The following LRP1B variants were observed in gnomAD, a reference collection of about 807,000 sequenced individuals.
LRP1B encodes the protein low-density lipoprotein receptor-related protein 1B.
LRP1B carries 217 observed loss-of-function variants against 556.6 expected under a neutral mutation model. The ratio of observed to expected loss-of-function variants is 0.39; its 90% CI spans 0.35 to 0.44. The LOEUF (loss-of-function observed/expected upper bound fraction) is 0.44. LRP1B is among the 20% of genes least tolerant of loss of function. LRP1B has a pLI of 1.00. For missense variants in LRP1B, 5,053 were observed against 5,620.8 expected, an observed-to-expected ratio of 0.90 and a Z score of 3.23; for synonymous variants, 2,047 against 1,865.8, an observed-to-expected ratio of 1.10 and a Z score of -2.50.
chr2:141,961,943 T>C (rs1701414310), intron 1 of LRP1B, among the ~76,000 whole-genome samples: 1 of 151,798 alleles, frequency 6.6e-6, no homozygotes, highest in Non-Finnish European at 1.5e-5. Flanking sequence ...AAAGTGTTTT[T>C]AATATGAGGC....
intron 3 of LRP1B, among the ~76,000 whole-genome samples, chr2:141,286,349 T>G (rs1685720908): frequency 1.3e-5 from 2 of 152,284 alleles, no homozygotes; most frequent in South Asian, 4.1e-4. Context: ...ATTAAAAGAT[T>G]TGGCTTGCTA....
chr2:141,872,907 G>A (rs1389042124), intron 1 of LRP1B, among the ~76,000 whole-genome samples: 1 of 151,888 alleles, frequency 6.6e-6, no homozygotes, highest in Non-Finnish European at 1.5e-5. Flanking sequence ...TAAGTATCAA[G>A]GCTACACGAA....
intron 7 of LRP1B, among the ~76,000 whole-genome samples, chr2:141,113,072 C>T (rs1700795094): frequency 1.3e-5 from 2 of 152,114 alleles, no homozygotes; most frequent in Non-Finnish European, 2.9e-5. Context: ...GACAAACCTT[C>T]TCTCTATAAA....
chr2:140,459,990 G>A (rs1398987497), intron 60 of LRP1B, among the ~76,000 whole-genome samples: 1 of 152,086 alleles, frequency 6.6e-6, no homozygotes, highest in Non-Finnish European at 1.5e-5. Flanking sequence ...ATGGAACTGT[G>A]GGTCAATTAA....
At chr2:141,785,765 G>A (rs1695413310) in intron 2 of LRP1B, among the ~76,000 whole-genome samples, 1 of 151,306 alleles carries the variant, frequency 6.6e-6, no homozygotes, top group African/African-American at 2.4e-5. Flanking sequence ...GTCCATATAT[G>A]ATAATCAACA....
intron 66 of LRP1B, among the ~76,000 whole-genome samples, chr2:140,423,027 C>A (rs142136325): frequency 0.02 from 2,969 of 152,114 alleles, 47 homozygotes; most frequent in Non-Finnish European, 0.023. Context: ...AAAACCAAGT[C>A]GATGAATAAT....
chr2:141,554,467 TAAC>T (rs1278024170), intron 2 of LRP1B, among the ~76,000 whole-genome samples: 3 of 151,404 alleles, frequency 2.0e-5, no homozygotes, highest in Non-Finnish European at 4.4e-5. Flanking sequence ...AAGAAACTGT[TAAC>T]AATTGTTTTC....
At chr2:141,496,453 C>T (rs1683511188) in intron 2 of LRP1B, among the ~76,000 whole-genome samples, 3 of 152,040 alleles carry the variant, frequency 2.0e-5, no homozygotes, top group Non-Finnish European at 4.4e-5. Context: ...CGTTCTAATG[C>T]CTCCTAAAAG....
chr2:140,308,084 C>T (rs1684141649), intron 83 of LRP1B, among the ~76,000 whole-genome samples: 1 of 151,604 alleles, frequency 6.6e-6, no homozygotes, highest in African/African-American at 2.4e-5. Context: ...AGTAATATAT[C>T]AATCACTATT....
intron 2 of LRP1B, among the ~76,000 whole-genome samples, chr2:141,783,827 A>G (rs1394719604): frequency 6.6e-6 from 1 of 151,870 alleles, no homozygotes; most frequent in Non-Finnish European, 1.5e-5. Flanking sequence ...TAACATATCA[A>G]TTACCAATAA....
chr2:141,508,874 G>A (rs571703370), intron 2 of LRP1B, among the ~76,000 whole-genome samples: 2 of 152,006 alleles, frequency 1.3e-5, no homozygotes, highest in African/African-American at 2.4e-5. Flanking sequence ...GGAGGTTATG[G>A]AAAGATAATT....
At chr2:141,367,005 T>G (rs1689064620) in intron 3 of LRP1B, among the ~76,000 whole-genome samples, 3 of 152,236 alleles carry the variant, frequency 2.0e-5, no homozygotes, top group Admixed American at 2.0e-4. Flanking sequence ...GATGATTGGC[T>G]TTTTTGTTGT....
At chr2:141,108,046 T>C (rs1292769704) in intron 7 of LRP1B, among the ~76,000 whole-genome samples, 1 of 152,094 alleles carries the variant, frequency 6.6e-6, no homozygotes, top group African/African-American at 2.4e-5. Context: ...ATTAAAATAA[T>C]ACTAGGGGGC....
Position 141,145,342 on chromosome 2 carries a change from T to C in LRP1B, c.1013+43079A>G, listed in dbSNP as rs149761007. On this transcript the variant is annotated intron_variant, in intron 7 of 90. Transcript: ENST00000389484. ...AGTTATACTGTATATAAGTGTACAC[T>C]GTACACTTCTCTGAAAAGTTTATCA... is the stretch of plus-strand genomic sequence containing the variant. 4.3e-3 allele frequency among the ~76,000 whole-genome samples: 656 copies of C among 152,184 alleles called. 8 individuals are homozygous for C. The highest frequency in any genetic ancestry group is 0.015 in the African/African-American group (623 of 41,526).
intron 66 of LRP1B, among the ~76,000 whole-genome samples, chr2:140,402,125 G>A (rs77830238): frequency 3.9e-5 from 6 of 152,266 alleles, no homozygotes; most frequent in East Asian, 3.9e-4. Context: ...AATAGCAATC[G>A]CTGTAGCCTG....
chr2:140,692,184 CTA>C (rs1686266940), intron 41 of LRP1B, among the ~76,000 whole-genome samples: 2 of 152,040 alleles, frequency 1.3e-5, no homozygotes, highest in East Asian at 1.9e-4. Flanking sequence ...GAAAATATTA[CTA>C]TGTTATTTCA....
At chr2:140,610,052 T>A (rs1683014434) in intron 41 of LRP1B, among the ~76,000 whole-genome samples, 1 of 151,992 alleles carries the variant, frequency 6.6e-6, no homozygotes, top group African/African-American at 2.4e-5. Context: ...AGGTTTGTTT[T>A]TTTTTTTCTT....
At chr2:141,195,958 G>A (rs1681733777) in intron 6 of LRP1B, among the ~76,000 whole-genome samples, 1 of 152,034 alleles carries the variant, frequency 6.6e-6, no homozygotes, top group Admixed American at 6.6e-5. Context: ...AATTTGGGCA[G>A]TAAGGCCTAC....
intron 2 of LRP1B, among the ~76,000 whole-genome samples, chr2:141,660,165 G>C (rs1201177077): frequency 6.6e-6 from 1 of 152,046 alleles, no homozygotes; most frequent in Non-Finnish European, 1.5e-5. Context: ...AGTGGTTGGC[G>C]TGACCCACAG....
Sources: allele counts gnomAD v4.1 joint callset (sites outside exome capture counted in the v4.1 genomes callset), GRCh38; gene constraint gnomAD v4.1.1; transcripts MANE v1.5; gene names NCBI Gene and HGNC (gene_info 2026-07-23, HGNC 2026-07-21).